Variants in COL21A1 observed in about 807,000 individuals in gnomAD.
The protein encoded by COL21A1 is collagen type XXI alpha 1 chain, also known as collagen alpha-1(XXI) chain.
COL21A1 carries 149 observed loss-of-function variants against 137.9 expected under a neutral mutation model. The observed-to-expected ratio is 1.08, with a 90% CI of 0.95 to 1.24. COL21A1 has a LOEUF of 1.24. Among genes scored for constraint, COL21A1 ranks in the 50% most tolerant of loss-of-function variants. The pLI, the probability that COL21A1 is intolerant of heterozygous loss-of-function variation, is 0.00. For synonymous variants in COL21A1, 456 were observed against 391.5 expected, an observed-to-expected ratio of 1.16 and a Z score of -1.95; for missense variants, 1,167 against 1,158.4, an observed-to-expected ratio of 1.01 and a Z score of -0.11.
intron 10 of COL21A1, among the ~76,000 whole-genome samples, chr6:56,154,927 CTTTTT>C (rs1229199074): frequency 1.3e-5 from 2 of 151,656 alleles, no homozygotes; most frequent in African/African-American, 4.8e-5. Flanking sequence ...TTTCTTTTTT[CTTTTT>C]TGAGTTCAGG....
At chr6:56,380,165 C>T (rs1054377991) in intron 1 of COL21A1, among the ~76,000 whole-genome samples, 1 of 152,004 alleles carries the variant, frequency 6.6e-6, no homozygotes, top group Non-Finnish European at 1.5e-5. Flanking sequence ...ACCCTAGCAC[C>T]TCCTCCCCTC....
At chr6:56,135,229 C>A (rs888599533) in intron 12 of COL21A1, among the ~76,000 whole-genome samples, 2 of 151,872 alleles carry the variant, frequency 1.3e-5, no homozygotes, top group Non-Finnish European at 2.9e-5. Flanking sequence ...AATATTTTCA[C>A]ACATACAAAC....
At chr6:56,076,343 G>C (rs1361654455) in intron 18 of COL21A1, among the ~76,000 whole-genome samples, 13 of 151,336 alleles carry the variant, frequency 8.6e-5, no homozygotes, top group Admixed American at 7.3e-4. Flanking sequence ...GAAGCAATGA[G>C]CTCATGATAA....
intron 1 of COL21A1, among the ~76,000 whole-genome samples, chr6:56,265,363 C>T (rs1350861202): frequency 6.6e-6 from 1 of 152,146 alleles, no homozygotes; most frequent in Non-Finnish European, 1.5e-5. Context: ...ACTTGAATCA[C>T]TAGGGTCTGG....
intron 17 of COL21A1, among the ~76,000 whole-genome samples, chr6:56,100,641 C>T (rs1770372646): frequency 6.6e-6 from 1 of 152,012 alleles, no homozygotes. Context: ...AAATTATAAG[C>T]TTCTGGAAGG....
At chr6:56,101,154 C>T (rs751560966) in intron 17 of COL21A1, among the ~76,000 whole-genome samples, 4 of 152,074 alleles carry the variant, frequency 2.6e-5, no homozygotes, top group Non-Finnish European at 5.9e-5. Flanking sequence ...TACTATGAAA[C>T]AATAGATGAG....
intron 1 of COL21A1, among the ~76,000 whole-genome samples, chr6:56,322,953 T>G (rs1168380939): frequency 6.7e-6 from 1 of 150,354 alleles, no homozygotes; most frequent in Non-Finnish European, 1.5e-5. Context: ...TTTTTATTAA[T>G]AAGAGCTAAG....
At chr6:56,230,136 G>A (rs1781464560) in intron 1 of COL21A1, among the ~76,000 whole-genome samples, 1 of 151,936 alleles carries the variant, frequency 6.6e-6, no homozygotes, top group Non-Finnish European at 1.5e-5. Context: ...TGTGGGTCCT[G>A]TAAAAAAAAT....
chr6:56,236,090 C>A (rs770788158), intron 1 of COL21A1, among the ~76,000 whole-genome samples: 2 of 151,914 alleles, frequency 1.3e-5, no homozygotes, highest in African/African-American at 4.8e-5. Flanking sequence ...ATTAAGCAAC[C>A]AATGGCCATA....
At position 56,148,174 on chromosome 6, in the gene COL21A1, A is replaced by C. The variant is rs565606621; in HGVS notation, c.1435-6191T>G. ...AATTATATCAGCCTCTTAGGCAGCC[A>C]CATTTCATACAGCGATGCCTTTTCA... On this transcript the variant is annotated intron_variant, in intron 10 of 29. Transcript: ENST00000244728. Among the ~76,000 whole-genome samples the C allele has an allele frequency of 1.0e-3, 159 of 152,286 alleles. 1 individual carries two copies. Among genetic ancestry groups the C allele is most frequent in the African/African-American group, 3.7e-3 (155 of 41,562 alleles).
At chr6:56,100,250 C>G (rs995335045) in intron 17 of COL21A1, among the ~76,000 whole-genome samples, 2 of 152,068 alleles carry the variant, frequency 1.3e-5, no homozygotes, top group African/African-American at 4.8e-5. Flanking sequence ...CCTTTGATTC[C>G]CAGTCATCCT....
chr6:56,156,880 T>C lies in COL21A1; in HGVS notation c.1434+7A>G. 1 of 1,609,040 alleles carries C rather than the reference T, an allele frequency of 6.2e-7. No homozygotes were observed. Among genetic ancestry groups the C allele is most frequent in the Non-Finnish European group, 8.5e-7 (1 of 1,176,918 alleles). On this transcript the variant is annotated splice_region_variant and intron_variant, in intron 10 of 29. Transcript: ENST00000244728. ...ATACCGGAGATGACTAAGCTTTCAG[T>C]ACTCACAGGCTTACCATCTTGACCA...
chr6:56,073,362 G>A (rs1397065639), intron 20 of COL21A1, among the ~76,000 whole-genome samples: 1 of 151,410 alleles, frequency 6.6e-6, no homozygotes, highest in Non-Finnish European at 1.5e-5. Context: ...TGGAAGAGCA[G>A]CTACCTTTTC....
intron 1 of COL21A1, among the ~76,000 whole-genome samples, chr6:56,390,356 A>G (rs1215843485): frequency 2.0e-5 from 3 of 152,214 alleles, no homozygotes; most frequent in African/African-American, 7.2e-5. Flanking sequence ...ACAAAAATGC[A>G]AGAAATTAAA....
chr6:56,218,747 C>G (rs1245131239), intron 1 of COL21A1, among the ~76,000 whole-genome samples: 1 of 152,056 alleles, frequency 6.6e-6, no homozygotes, highest in Non-Finnish European at 1.5e-5. Context: ...AGACAACTTG[C>G]AACACCAACA....
At chr6:56,078,736 A>G (rs1767463398) in intron 17 of COL21A1, among the ~76,000 whole-genome samples, 1 of 151,670 alleles carries the variant, frequency 6.6e-6, no homozygotes, top group Admixed American at 6.6e-5. Flanking sequence ...ATTGGAATTC[A>G]GTTTGATTCT....
Position 56,332,459 on chromosome 6 carries a change from T to G in COL21A1, c.-39+61512A>C, listed in dbSNP as rs1765248592. The stretch of plus-strand genomic sequence containing the variant: ...TCATTTAGTTGTGGTTGAATCTAGC[T>G]GCAACTTGGGTAAAACATTTTTTTT... On this transcript the variant is annotated intron_variant, in intron 1 of 28. Transcript: ENST00000370819. Among the ~76,000 whole-genome samples, 4 of 129,876 alleles carry G rather than the reference T, an allele frequency of 3.1e-5. No individual in the cohort carries two copies. In the South Asian group the frequency reaches 1.1e-3, roughly 37 times the overall value. The allele number at this position is 129,876 out of a possible 152,430, so 85.2% of individuals were successfully genotyped here.
chr6:56,330,565 G>A (rs1765196502), intron 1 of COL21A1, among the ~76,000 whole-genome samples: 1 of 152,008 alleles, frequency 6.6e-6, no homozygotes, highest in South Asian at 2.1e-4. Flanking sequence ...TGAACATATT[G>A]CACAGTCGTG....
chr6:56,181,638 C>T (rs1278369890), intron 2 of COL21A1, among the ~76,000 whole-genome samples: 2 of 152,096 alleles, frequency 1.3e-5, no homozygotes, highest in Non-Finnish European at 2.9e-5. Context: ...CATGGGCATA[C>T]AAGCAAATAA....
Sources: allele counts gnomAD v4.1 joint callset (sites outside exome capture counted in the v4.1 genomes callset), GRCh38; gene constraint gnomAD v4.1.1; transcripts MANE v1.5; gene names NCBI Gene and HGNC (gene_info 2026-07-23, HGNC 2026-07-21).